SNED1: variants seen among roughly 807,000 people sequenced by gnomAD.
SNED1 encodes sushi, nidogen and EGF-like domain-containing protein 1.
A neutral mutation model predicts 166.7 loss-of-function variants in SNED1; 81 were observed. That is an observed-to-expected ratio of 0.49 (90% CI 0.41 to 0.58). The LOEUF (loss-of-function observed/expected upper bound fraction) is 0.58, where lower values mean the gene tolerates loss of function less well. Among genes scored for constraint, SNED1 ranks in the 20% least tolerant of loss-of-function variants. SNED1 has a pLI of 0.00. For missense variants in SNED1, 1,604 were observed against 2,000.2 expected, an observed-to-expected ratio of 0.80 and a Z score of 3.78; for synonymous variants, 762 against 822.0, an observed-to-expected ratio of 0.93 and a Z score of 1.25.
At position 241,013,075 on chromosome 2, in the gene SNED1, C is replaced by G. The variant is rs1181071406; in HGVS notation, c.213+14025C>G. Among the ~76,000 whole-genome samples, 1 of 152,126 alleles carries G rather than the reference C, an allele frequency of 6.6e-6. No individual in the cohort carries two copies. The highest frequency in any genetic ancestry group is 1.5e-5 in the Non-Finnish European group (1 of 68,024). On this transcript the variant is annotated intron_variant, in intron 1 of 31. Transcript: ENST00000310397. This position sits in a 1 kb window ranked among gnomAD's most constrained non-coding sequence, Gnocchi z 4.6. ...GGTCTCGATCTCCTGACCTCGTGAT[C>G]CGCCTGTCTCAGCCTCCCAAAGTGA...
At chr2:241,063,139 G>C (rs796292783) in intron 17 of SNED1, among the ~76,000 whole-genome samples, 24 of 152,364 alleles carry the variant, frequency 1.6e-4, no homozygotes, top group African/African-American at 5.5e-4. Flanking sequence ...GCTTCAGGGC[G>C]CAGAGAAGGT....
chr2:241,071,874 A>T lies in SNED1; in HGVS notation c.3813A>T (p.Arg1271Ser), dbSNP rs1372937752. ...GGSPSKAATV[R>S]SQPTASAQLE... Reference sequence around the variant, plus strand: ...CACCCAGCAAAGCAGCCACCGTGAGATCACGTGAGTGCCAGGGCCTCCCCA... The same window carrying T: ...CACCCAGCAAAGCAGCCACCGTGAGTTCACGTGAGTGCCAGGGCCTCCCCA... Residue 1271 changes from arginine (R) to serine (S), a missense_variant, in exon 26 of 32, where the codon AGA becomes AGT. By Grantham distance (110) the Arg-to-Ser change is moderately radical (BLOSUM62 -1). This residue lies in a region of SNED1 where 367 missense variants were observed against 379.4 expected (regional missense o/e 0.97). Coordinates refer to ENST00000310397, the MANE Select transcript of SNED1 (RefSeq NM_001080437.3). The T allele has an allele frequency of 1.9e-6, 3 of 1,601,128 alleles. No individual in the cohort carries two copies. Among genetic ancestry groups the T allele is most frequent in the Non-Finnish European group, 2.6e-6 (3 of 1,174,618 alleles).
chr2:241,037,047 C>A, intron 5 of SNED1, 132 bp downstream of exon 5: 1 of 1,248,680 alleles, frequency 8.0e-7, no homozygotes, highest in Admixed American at 2.3e-5. Context: ...GTGTGGGTGA[C>A]TTGCTTAGGG....
chr2:241,065,322 A>C lies in SNED1; in HGVS notation c.2737A>C (p.Lys913Gln). The C allele has an allele frequency of 6.2e-7, 1 of 1,612,794 alleles. No homozygotes were observed. Among genetic ancestry groups the C allele is most frequent in the Non-Finnish European group, 8.5e-7 (1 of 1,179,800 alleles). Residue 913 changes from lysine to glutamine, a missense_variant, in exon 21 of 32, where the codon AAG becomes CAG. Coordinates refer to ENST00000310397, the MANE Select transcript of SNED1 (RefSeq NM_001080437.3). Reference protein sequence around the residue: ...AKELFPPTALKMERVEESGVS... With the variant: ...AKELFPPTALQMERVEESGVS... ...AGAGCTCTTCCCACCGACGGCCCTC[A>C]AGATGGAGAGAGTGGAGGAGAGTGG...
intron 16 of SNED1, 29 bp downstream of exon 16, chr2:241,053,355 A>C: frequency 6.5e-7 from 1 of 1,537,364 alleles, no homozygotes; most frequent in Non-Finnish European, 8.8e-7. Context: ...GGGGTGGGGC[A>C]GGTGGGGCCC....
chr2:241,052,909 G>A (rs1267574812), intron 15 of SNED1, among the ~76,000 whole-genome samples: 1 of 151,486 alleles, frequency 6.6e-6, no homozygotes. Context: ...GAGGGCTAGA[G>A]GGGGGTCAAG....
Position 240,999,026 on chromosome 2 carries a change from C to T in SNED1, c.189C>T (p.Phe63=). The T allele has an allele frequency of 7.6e-7, 1 of 1,321,288 alleles. No individual in the cohort carries two copies. The highest frequency in any genetic ancestry group is 9.7e-7 in the Non-Finnish European group (1 of 1,030,952). The allele number at this position is 1,321,288 out of a possible 1,614,324, so 81.8% of individuals were successfully genotyped here. A position where few individuals can be genotyped will look rare whatever the true frequency, so the allele number is the denominator to read the frequency against. ...CGCTCTCGGTGCCCTTCCCGTTCTT[C>T]GGTGCCGAGCACTCCGGACTCTACG... The part of the protein sequence containing the change: ...LRPLSVPFPF[F]GAEHSGLYVN... Residue 63 remains phenylalanine, a synonymous_variant, in exon 1 of 32, where the codon TTC becomes TTT. Coordinates refer to ENST00000310397, the MANE Select transcript of SNED1 (RefSeq NM_001080437.3). The surrounding 1 kb of genome is among the most constrained non-coding windows in gnomAD (Gnocchi z 5.8).
At chr2:241,026,910 TCTTC>T (rs1033653172) in intron 1 of SNED1, among the ~76,000 whole-genome samples, 1 of 152,212 alleles carries the variant, frequency 6.6e-6, no homozygotes, top group Non-Finnish European at 1.5e-5. Flanking sequence ...CCTATTCCCC[TCTTC>T]CTTCAACACC....
rs1379515650 is a variant in SNED1, at chr2:241,049,129, A to G, written c.1612A>G (p.Ser538Gly). 1.2e-6 allele frequency: 2 copies of G among 1,611,040 alleles called. No homozygotes were observed. The highest frequency in any genetic ancestry group is 2.2e-5 in the South Asian group (2 of 90,532). ...LCVCHTDHNA[S>G]HSLPSPCDSD... Reference sequence around the variant, plus strand: ...CGTCTGCCACACCGACCACAATGCCAGCCACTGTGAGTAGCTCGGGGACGA... The same window carrying G: ...CGTCTGCCACACCGACCACAATGCCGGCCACTGTGAGTAGCTCGGGGACGA... The change falls in exon 11 of 32, where the codon AGC becomes GGC. Residue 538 changes from serine (S) to glycine (G), a missense_variant. By Grantham distance (56) the Ser-to-Gly change is moderately conservative. Around this residue, in one of 2 missense-constraint regions of SNED1, gnomAD observed 1,237 missense variants for 1,620.8 expected, o/e 0.76. Transcript: ENST00000310397.
Position 241,024,235 on chromosome 2 carries a change from C to CTTTTTTTTTTTTTTT in SNED1, c.214-6034_214-6020dup. Among the ~76,000 whole-genome samples the CTTTTTTTTTTTTTTT allele has an allele frequency of 6.0e-4, 28 of 46,932 alleles. 3 individuals carry two copies. Among genetic ancestry groups the CTTTTTTTTTTTTTTT allele is most frequent in the African/African-American group, 2.3e-3 (27 of 11,918 alleles). The allele number at this position is 46,932 out of a possible 152,430, so 30.8% of individuals were successfully genotyped here. On this transcript the variant is annotated intron_variant, in intron 1 of 31. Transcript: ENST00000310397. ...GTGTAGTTGTATTTCACTCTACTAC[C>CTTTTTTTTTTTTTTT]TTTTTTTTTTTTTTTTTTTTTTTTT... is the stretch of plus-strand genomic sequence containing the variant.
rs2063744040 is a variant in SNED1 at position 241,089,100 on chromosome 2, CA to C, written c.*1+700del. Reference sequence around the variant, plus strand: ...CCCACACAAACTGCCGAATCTTAAACAACACTGGCATTCTTCACAATCGTTT... The same window carrying C: ...CCCACACAAACTGCCGAATCTTAAACACACTGGCATTCTTCACAATCGTTT... On this transcript the variant is annotated intron_variant, in intron 31 of 31. Coordinates refer to ENST00000310397, the MANE Select transcript of SNED1 (RefSeq NM_001080437.3). The C allele has an allele frequency of 2.4e-5, 12 of 499,684 alleles. No homozygotes were observed. In the South Asian group the frequency reaches 4.2e-4, roughly 17 times the overall value. 31.0% of individuals were successfully genotyped at this position (499,684 alleles called of 1,614,324 possible).
chr2:241,048,069 G>C (rs570845243), intron 8 of SNED1, among the ~76,000 whole-genome samples: 2 of 152,170 alleles, frequency 1.3e-5, no homozygotes, highest in South Asian at 2.1e-4. Flanking sequence ...GGTGCTTCTT[G>C]TTCTGTCCAA....
chr2:241,071,763 CG>C, intron 25 of SNED1, 32 bp from the exon 26 acceptor site: 2 of 1,559,812 alleles, frequency 1.3e-6, no homozygotes, highest in Non-Finnish European at 8.7e-7. Context: ...AGGCGGCGCT[CG>C]GACTGTGGTG....
chr2:241,001,650 G>T (rs1226662294), intron 1 of SNED1, among the ~76,000 whole-genome samples: 1 of 152,236 alleles, frequency 6.6e-6, no homozygotes, highest in Non-Finnish European at 1.5e-5. Flanking sequence ...AGCTTGCCGC[G>T]GTCTGTGGGG....
chr2:241,059,402 A>T (rs2062162059), intron 16 of SNED1, among the ~76,000 whole-genome samples: 1 of 152,206 alleles, frequency 6.6e-6, no homozygotes, highest in Non-Finnish European at 1.5e-5. Flanking sequence ...TTCTCATTTG[A>T]TACCAAACTC....
chr2:241,078,907 A>T (rs1170316878), intron 27 of SNED1, among the ~76,000 whole-genome samples: 1 of 151,600 alleles, frequency 6.6e-6, no homozygotes, highest in Non-Finnish European at 1.5e-5. Context: ...TGAGGTCAGG[A>T]GTTCGAGACC....
At chr2:241,034,541 C>T (rs1247467087) in intron 3 of SNED1, 27 bp from the exon 4 acceptor site, 1 of 1,563,356 alleles carries the variant, frequency 6.4e-7, no homozygotes, top group Admixed American at 1.8e-5. Flanking sequence ...ACTGGCCTCC[C>T]TCACTCTGCC....
chr2:241,053,140 C>T lies in SNED1; in HGVS notation c.2084-13C>T, dbSNP rs1034133432. The T allele has an allele frequency of 6.2e-7, 1 of 1,604,496 alleles. No individual in the cohort carries two copies. Among genetic ancestry groups the T allele is most frequent in the Non-Finnish European group, 8.5e-7 (1 of 1,176,900 alleles). ...GCACAGGACCGTGCGAGACAGGCTG[C>T]CGTGCCTTGCAGAGGTGGACTGCGG... On this transcript the variant is annotated splice_polypyrimidine_tract_variant and intron_variant, in intron 15 of 31. Transcript: ENST00000310397.
At chr2:241,047,281 G>A (rs1472980042) in intron 8 of SNED1, among the ~76,000 whole-genome samples, 2 of 151,862 alleles carry the variant, frequency 1.3e-5, no homozygotes, top group South Asian at 2.1e-4. Flanking sequence ...CTTTTATAAC[G>A]ATAGAGGGGT....
Sources: gnomAD v4.1 joint callset for allele counts (sites outside exome capture counted in the v4.1 genomes callset) on GRCh38, gnomAD v4.1.1 for gene constraint, gnomAD v4.1.1 regional missense constraint, Gnocchi (gnomAD v3.1) non-coding constraint, MANE v1.5 for transcripts, NCBI Gene and HGNC (gene_info 2026-07-23, HGNC 2026-07-21) for gene names.